ZFHX3: variants seen among roughly 807,000 people sequenced by gnomAD.
ZFHX3 encodes zinc finger homeobox protein 3.
Under a neutral mutation model 279.1 loss-of-function variants are expected in ZFHX3, and 42 were observed. The ratio of observed to expected loss-of-function variants is 0.15; its 90% CI spans 0.12 to 0.19. The LOEUF is 0.19. ZFHX3 is among the 10% of genes least tolerant of loss of function. The pLI is 1.00. For missense variants in ZFHX3, 4,981 were observed against 4,754.0 expected (o/e 1.05, Z -1.40); for synonymous variants, 2,293 against 1,957.8 (o/e 1.17, Z -4.52).
At chr16:72,904,844 T>G (rs561876899) in intron 3 of ZFHX3, among the ~76,000 whole-genome samples, 1 of 152,254 alleles carries the variant, frequency 6.6e-6, no homozygotes, top group Non-Finnish European at 1.5e-5. Flanking sequence ...TTTTTCTTTC[T>G]TTCTGAGATG....
intron 2 of ZFHX3, among the ~76,000 whole-genome samples, chr16:73,574,386 A>G (rs2051776961): frequency 6.6e-6 from 1 of 152,110 alleles, no homozygotes; most frequent in Non-Finnish European, 1.5e-5. Flanking sequence ...ACTTTTCAAC[A>G]AGATTCTCAG....
chr16:73,676,757 G>T (rs1291312880), intron 2 of ZFHX3, among the ~76,000 whole-genome samples: 1 of 151,702 alleles, frequency 6.6e-6, no homozygotes, highest in Non-Finnish European at 1.5e-5. Context: ...CAGAAAGGAT[G>T]AGTAAAAAGA....
chr16:72,804,944 T>A lies in ZFHX3; in HGVS notation c.3865-4815A>T, dbSNP rs145227489. Among the ~76,000 whole-genome samples the A allele has an allele frequency of 3.7e-3, 570 of 152,212 alleles. 2 individuals are homozygous for A. The highest frequency in any genetic ancestry group is 0.013 in the African/African-American group (542 of 41,502). ...TTAGATCGATGCCCCAGACACATTC[T>A]GTGTGCTGGAAAGCAGAGAGATTTT... On this transcript the variant is annotated intron_variant, in intron 7 of 9. Transcript: ENST00000268489.
chr16:73,265,735 A>T (rs2013956284), intron 4 of ZFHX3, among the ~76,000 whole-genome samples: 1 of 152,208 alleles, frequency 6.6e-6, no homozygotes, highest in South Asian at 2.1e-4. Flanking sequence ...CACCTACATT[A>T]ATAGAAGATT....
chr16:73,717,896 C>A (rs2053431890), intron 1 of ZFHX3, among the ~76,000 whole-genome samples: 1 of 152,192 alleles, frequency 6.6e-6, no homozygotes, highest in Non-Finnish European at 1.5e-5. Context: ...CAGCCTGTGG[C>A]TCTGGTGTAA....
At chr16:72,892,673 A>C (rs2038802902) in intron 3 of ZFHX3, among the ~76,000 whole-genome samples, 1 of 151,946 alleles carries the variant, frequency 6.6e-6, no homozygotes, top group Admixed American at 6.6e-5. Flanking sequence ...ACACCTAGCT[A>C]ATTTTTGTAT....
intron 5 of ZFHX3, among the ~76,000 whole-genome samples, chr16:73,172,086 C>G (rs923986131): frequency 2.6e-4 from 39 of 152,222 alleles, no homozygotes; most frequent in Non-Finnish European, 5.6e-4. Flanking sequence ...CCCTCCTCCA[C>G]CCGCCTGCCG....
chr16:73,562,716 C>CA (rs77821849), intron 2 of ZFHX3, among the ~76,000 whole-genome samples: 21,533 of 135,458 alleles, frequency 0.16, 1,576 homozygotes, highest in Admixed American at 0.21. Context: ...TTGAGAGGGT[C>CA]AAAAAAAAAA....
At position 72,958,931 on chromosome 16, in the gene ZFHX3, CCCG is replaced by C; in HGVS notation, c.1212_1214del (p.Gly405del). 2 of 1,598,718 alleles carry C rather than the reference CCCG, an allele frequency of 1.3e-6. No homozygotes were observed. Among genetic ancestry groups the C allele is most frequent in the Non-Finnish European group, 1.7e-6 (2 of 1,172,230 alleles). On this transcript the variant is annotated inframe_deletion, in exon 2 of 10. Transcript: ENST00000268489. ...GGGTCTTCAGTACCGAGCTGGTGAG[CCCG>C]CCAAGGTTCAACAGGGTGCTGGGGG... is the stretch of plus-strand genomic sequence containing the variant.
At chr16:73,417,694 C>T (rs2017618557) in intron 3 of ZFHX3, among the ~76,000 whole-genome samples, 1 of 151,400 alleles carries the variant, frequency 6.6e-6, no homozygotes, top group South Asian at 2.1e-4. Context: ...AGGCTGGGTG[C>T]GGTGGCTCAC....
intron 4 of ZFHX3, among the ~76,000 whole-genome samples, chr16:73,309,719 G>C (rs2015278802): frequency 6.6e-6 from 1 of 152,150 alleles, no homozygotes; most frequent in Non-Finnish European, 1.5e-5. Context: ...TTAGAGAAGA[G>C]AGAGTTAAGC....
chr16:73,384,154 G>A (rs2016860288), intron 3 of ZFHX3, among the ~76,000 whole-genome samples: 2 of 152,206 alleles, frequency 1.3e-5, no homozygotes, highest in Admixed American at 6.5e-5. Context: ...TTGGCAAACT[G>A]CAGCCCAAGG....
At chr16:73,524,703 T>C (rs1410847693) in intron 2 of ZFHX3, among the ~76,000 whole-genome samples, 3 of 152,198 alleles carry the variant, frequency 2.0e-5, no homozygotes, top group Non-Finnish European at 4.4e-5. Context: ...TTCCGTGAGC[T>C]CCCTGCTTAA....
chr16:73,840,317 A>G (rs1961270539), intron 1 of ZFHX3, among the ~76,000 whole-genome samples: 1 of 152,100 alleles, frequency 6.6e-6, no homozygotes, highest in Admixed American at 6.5e-5. Flanking sequence ...CTCAGTCCCA[A>G]AAGCCCCCAC....
intron 5 of ZFHX3, among the ~76,000 whole-genome samples, chr16:73,210,831 T>C (rs1395545525): frequency 2.6e-5 from 4 of 151,286 alleles, no homozygotes; most frequent in African/African-American, 9.7e-5. Context: ...CTTAGCTTCT[T>C]TTTTTTTTCC....
At chr16:73,023,169 G>A (rs1330180603) in intron 1 of ZFHX3, among the ~76,000 whole-genome samples, 1 of 152,242 alleles carries the variant, frequency 6.6e-6, no homozygotes, top group Non-Finnish European at 1.5e-5. Flanking sequence ...AGAGGCTGCA[G>A]TGAGCTGAGA....
At chr16:72,945,058 G>C (rs1033322432) in intron 3 of ZFHX3, among the ~76,000 whole-genome samples, 1 of 152,124 alleles carries the variant, frequency 6.6e-6, no homozygotes, top group South Asian at 2.1e-4. Flanking sequence ...TGACATGAGG[G>C]TGTGTAAAAT....
chr16:73,272,888 A>G (rs555213852), intron 4 of ZFHX3, among the ~76,000 whole-genome samples: 2 of 152,256 alleles, frequency 1.3e-5, no homozygotes, highest in South Asian at 4.1e-4. Context: ...CTGGGACTAC[A>G]GGCAGGTGCC....
intron 1 of ZFHX3, among the ~76,000 whole-genome samples, chr16:72,979,697 T>G (rs891853185): frequency 6.6e-6 from 1 of 152,204 alleles, no homozygotes; most frequent in Non-Finnish European, 1.5e-5. Context: ...AGTTATTTAT[T>G]GATCCTGTTT....
Sources: gnomAD v4.1 joint callset for allele counts (sites outside exome capture counted in the v4.1 genomes callset) on GRCh38, gnomAD v4.1.1 for gene constraint, MANE v1.5 for transcripts, NCBI Gene and HGNC (gene_info 2026-07-23, HGNC 2026-07-21) for gene names.